The following SYNE1 variants were observed in gnomAD, a reference collection of about 807,000 sequenced individuals.
The protein encoded by SYNE1 is nesprin-1.
A neutral mutation model predicts 1,111.0 loss-of-function variants in SYNE1; 616 were observed. That is an observed-to-expected ratio of 0.55 (90% confidence interval 0.52 to 0.59). SYNE1 has a LOEUF of 0.59. Among genes scored for constraint, SYNE1 ranks in the 20% least tolerant of loss-of-function variants. The pLI, the probability that SYNE1 is intolerant of heterozygous loss-of-function variation, is 0.00. For missense variants in SYNE1, 10,006 were observed against 10,417.0 expected (o/e 0.96, Z 1.72); for synonymous variants, 3,855 against 3,825.8 (o/e 1.01, Z -0.28).
Position 152,225,862 on chromosome 6 carries a change from C to T in SYNE1, c.21210G>A (p.Leu7070=). 1 of 1,613,148 alleles carries T rather than the reference C, an allele frequency of 6.2e-7. No homozygotes were observed. The highest frequency in any genetic ancestry group is 8.5e-7 in the Non-Finnish European group (1 of 1,179,808). The change falls in exon 116 of 146, where the codon TTG becomes TTA. Residue 7070 remains leucine (L), a synonymous_variant. Transcript: ENST00000367255. ...ALKDCQDLED[L]IKAKEKEVEK... ...CTACTTCTTTTTCTTTTGCTTTAATCAAATCTTCCAGATCCTGAAAGATTT... is the reference window on the plus strand; with the variant it reads ...CTACTTCTTTTTCTTTTGCTTTAATTAAATCTTCCAGATCCTGAAAGATTT...
intron 41 of SYNE1, among the ~76,000 whole-genome samples, chr6:152,415,789 T>TAAAAAAAAAA (rs1209590450): frequency 4.0e-4 from 29 of 73,030 alleles, no homozygotes; most frequent in African/African-American, 1.2e-3. Flanking sequence ...TTCAAAGTGG[T>TAAAAAAAAAA]AAAAAAAAAA....
In SYNE1 at chr6:152,438,018, A is replaced by G. The variant is rs993166867; in HGVS notation, c.4150-1917T>C. ...GACAGAGTGAGACTCTGTCTCAAAA[A>G]AGAAGAAGAAAAAATCAATGTTACT... is the stretch of plus-strand genomic sequence containing the variant. On this transcript the variant is annotated intron_variant, in intron 32 of 145. Transcript: ENST00000367255. Among the ~76,000 whole-genome samples the G allele has an allele frequency of 9.8e-5, 15 of 152,298 alleles. 1 individual carries two copies. Among genetic ancestry groups the G allele is most frequent in the Middle Eastern group, 3.4e-3 (1 of 294 alleles).
chr6:152,225,759 G>C lies in SYNE1; in HGVS notation c.21313C>G (p.Arg7105Gly), dbSNP rs2081438535. The change falls in exon 116 of 146, where the codon CGA becomes GGA. Residue 7105 changes from arginine to glycine, a missense_variant. This residue lies in a region of SYNE1 where 2,182 missense variants were observed against 2,287.8 expected (regional missense o/e 0.95). Transcript: ENST00000367255. ...DVSSIVMSTL[R>G]ELGQTWANLD... Reference sequence around the variant, plus strand: ...TTTGCCCAGGTTTGGCCGAGCTCTCGCAGTGTGCTCATGACAATGCTAGAG... The same window carrying C: ...TTTGCCCAGGTTTGGCCGAGCTCTCCCAGTGTGCTCATGACAATGCTAGAG... The C allele has an allele frequency of 6.2e-7, 1 of 1,614,076 alleles. No homozygotes were observed. The highest frequency in any genetic ancestry group is 8.5e-7 in the Non-Finnish European group (1 of 1,179,986).
chr6:152,429,086 G>GTAATAA (rs3046242), intron 36 of SYNE1, among the ~76,000 whole-genome samples: 9,754 of 144,596 alleles, frequency 0.067, 609 homozygotes, highest in African/African-American at 0.16. Context: ...TATCTCAATA[G>GTAATAA]TAATAATAAT....
At chr6:152,523,924 T>G (rs888657840) in intron 5 of SYNE1, among the ~76,000 whole-genome samples, 1 of 152,166 alleles carries the variant, frequency 6.6e-6, no homozygotes, top group African/African-American at 2.4e-5. Context: ...TTATTGAATT[T>G]GTTTATCAAA....
chr6:152,306,399 T>G (rs1031866272), intron 91 of SYNE1, among the ~76,000 whole-genome samples: 15 of 151,808 alleles, frequency 9.9e-5, no homozygotes, highest in Non-Finnish European at 1.5e-4. Context: ...GGCAGGAGAA[T>G]CGCCTGAACC....
At chr6:152,278,029 G>T (rs765132621) in intron 98 of SYNE1, 60 bp downstream of exon 98, 3 of 1,589,256 alleles carry the variant, frequency 1.9e-6, no homozygotes, top group Non-Finnish European at 2.6e-6. Context: ...GCAAACCTTA[G>T]AAGGAGCACG....
intron 28 of SYNE1, among the ~76,000 whole-genome samples, chr6:152,448,169 G>T (rs1457262657): frequency 6.6e-6 from 1 of 152,206 alleles, no homozygotes; most frequent in Admixed American, 6.5e-5. Flanking sequence ...CATATAGCAA[G>T]AAGTATAAAT....
At chr6:152,309,178 T>A (rs2095473673) in intron 90 of SYNE1, among the ~76,000 whole-genome samples, 1 of 152,130 alleles carries the variant, frequency 6.6e-6, no homozygotes, top group Non-Finnish European at 1.5e-5. Flanking sequence ...TATACACATA[T>A]GAAGTATGAA....
At chr6:152,620,929 A>G (rs1744382) in intron 3 of SYNE1, among the ~76,000 whole-genome samples, 110,063 of 152,066 alleles carry the variant, frequency 0.72, 39,919 homozygotes, top group East Asian at 0.82. Flanking sequence ...ATACATACAC[A>G]CAACCCAATA....
intron 3 of SYNE1, among the ~76,000 whole-genome samples, chr6:152,606,493 G>A (rs189680211): frequency 1.3e-5 from 2 of 152,304 alleles, no homozygotes; most frequent in African/African-American, 4.8e-5. Context: ...TGGACCACAG[G>A]AGATGCTCAA....
intron 99 of SYNE1, 136 bp from the exon 100 acceptor site, chr6:152,268,301 G>T (rs2092898602): frequency 2.9e-6 from 2 of 687,214 alleles, no homozygotes; most frequent in South Asian, 3.2e-5. Context: ...AAAGCATGAG[G>T]TTTATGTAAA....
chr6:152,186,740 G>C (rs1020238553), intron 128 of SYNE1, among the ~76,000 whole-genome samples: 22 of 151,986 alleles, frequency 1.4e-4, no homozygotes, highest in Non-Finnish European at 1.0e-4. Context: ...GGCTTCACAG[G>C]CATCATTTAG....
At chr6:152,255,461 A>G (rs2090586975) in intron 103 of SYNE1, 130 bp downstream of exon 103, 2 of 1,108,828 alleles carry the variant, frequency 1.8e-6, no homozygotes, top group African/African-American at 3.1e-5. Context: ...TCTGCATTTA[A>G]GCAATTATGT....
rs79454329 is a variant in SYNE1 at position 152,409,983 on chromosome 6, C to G, written c.6231-274G>C. On this transcript the variant is annotated intron_variant, in intron 42 of 145. Coordinates refer to ENST00000367255, the MANE Select transcript of SYNE1 (RefSeq NM_182961.4). ...ATCTATGAACTCAATGACAAAGAAG[C>G]AATATATGTTCTTGCCAACTCAAAC... is the stretch of plus-strand genomic sequence containing the variant. Among the ~76,000 whole-genome samples the G allele has an allele frequency of 6.5e-3, 990 of 152,180 alleles. 11 individuals carry two copies. The highest frequency in any genetic ancestry group is 0.022 in the African/African-American group (926 of 41,498).
chr6:152,568,872 T>C (rs556427045), intron 3 of SYNE1, among the ~76,000 whole-genome samples: 1 of 152,288 alleles, frequency 6.6e-6, no homozygotes, highest in African/African-American at 2.4e-5. Flanking sequence ...TTAAAACATA[T>C]GAAATAAAGT....
intron 3 of SYNE1, among the ~76,000 whole-genome samples, chr6:152,567,611 C>A (rs1564895512): frequency 6.6e-6 from 1 of 152,124 alleles, no homozygotes. Context: ...ATGTCTCCAG[C>A]CTGAAACTCT....
chr6:152,352,564 A>G (rs997946894), intron 69 of SYNE1, among the ~76,000 whole-genome samples: 1 of 151,896 alleles, frequency 6.6e-6, no homozygotes, highest in Non-Finnish European at 1.5e-5. Flanking sequence ...CACCATGCCC[A>G]GCTAATTTTT....
intron 95 of SYNE1, among the ~76,000 whole-genome samples, chr6:152,288,366 GT>G (rs978843506): frequency 1.3e-5 from 2 of 152,092 alleles, no homozygotes; most frequent in African/African-American, 2.4e-5. Flanking sequence ...TCTGTTTTCT[GT>G]TTGATGTGTT....
Sources: gnomAD v4.1 joint callset for allele counts (sites outside exome capture counted in the v4.1 genomes callset) on GRCh38, gnomAD v4.1.1 for gene constraint, gnomAD v4.1.1 regional missense constraint, MANE v1.5 for transcripts, NCBI Gene and HGNC (gene_info 2026-07-23, HGNC 2026-07-21) for gene names.